LMTK2: variants seen among roughly 807,000 people sequenced by gnomAD.
LMTK2 encodes lemur tail kinase 2.
Under a neutral mutation model 127.5 loss-of-function variants are expected in LMTK2, and 37 were observed. The ratio of observed to expected loss-of-function variants is 0.29; its 90% CI spans 0.22 to 0.38. LMTK2 has a LOEUF of 0.38. LMTK2 is among the 10% of genes least tolerant of loss of function. The pLI, the probability that LMTK2 is intolerant of heterozygous loss-of-function variation, is 1.00. For missense variants in LMTK2, 1,694 were observed against 1,920.3 expected, an observed-to-expected ratio of 0.88 and a Z score of 2.20; for synonymous variants, 819 against 810.1, an observed-to-expected ratio of 1.01 and a Z score of -0.19.
chr7:98,204,197 C>G lies in LMTK2; in HGVS notation c.4483+11C>G. Reference sequence around the variant, plus strand: ...ACATCGAGCAGGGCGGTGAGAGGCGCTGCGTGCTGGGGATTGGGAGTGCAG... The same window carrying G: ...ACATCGAGCAGGGCGGTGAGAGGCGGTGCGTGCTGGGGATTGGGAGTGCAG... On this transcript the variant is annotated intron_variant, in intron 13 of 13. Transcript: ENST00000297293. The G allele has an allele frequency of 6.2e-7, 1 of 1,602,838 alleles. No individual in the cohort carries two copies. The highest frequency in any genetic ancestry group is 8.5e-7 in the Non-Finnish European group (1 of 1,179,662).
In LMTK2 at chr7:98,166,713, G is replaced by T. The variant is rs950799440; in HGVS notation, c.658-4828G>T. Among the ~76,000 whole-genome samples, 3 of 152,150 alleles carry T rather than the reference G, an allele frequency of 2.0e-5. No individual in the cohort carries two copies. In the South Asian group the frequency reaches 6.2e-4, roughly 31 times the overall value. ...TTCAGTGCAGTAACATGCTCTATAG[G>T]TTTGAAGCCTAGGCTGTAGCAAGAA... On this transcript the variant is annotated intron_variant, in intron 6 of 13. Coordinates refer to ENST00000297293, the MANE Select transcript of LMTK2 (RefSeq NM_014916.4).
At chr7:98,197,990 A>G (rs1400829309) in intron 11 of LMTK2, among the ~76,000 whole-genome samples, 1 of 152,142 alleles carries the variant, frequency 6.6e-6, no homozygotes, top group African/African-American at 2.4e-5. Context: ...TGAGTTGGGA[A>G]GTATTTCCTT....
intron 2 of LMTK2, among the ~76,000 whole-genome samples, chr7:98,139,355 T>G (rs1584257226): frequency 6.6e-6 from 1 of 152,168 alleles, no homozygotes; most frequent in Non-Finnish European, 1.5e-5. Context: ...GCTCAAGTGA[T>G]CCTCCCGCCT....
chr7:98,107,899 C>A (rs546522929), intron 1 of LMTK2, among the ~76,000 whole-genome samples: 1 of 152,116 alleles, frequency 6.6e-6, no homozygotes, highest in Non-Finnish European at 1.5e-5. Context: ...ATGGAAGTTT[C>A]TATTTTAGCT....
At position 98,107,295 on chromosome 7, in the gene LMTK2, G is replaced by T; in HGVS notation, c.103+15G>T. 1.7e-5 allele frequency: 23 copies of T among 1,337,778 alleles called. No individual in the cohort carries two copies. The highest frequency in any genetic ancestry group is 2.1e-5 in the Non-Finnish European group (22 of 1,046,820). The allele number at this position is 1,337,778 out of a possible 1,614,324, so 82.9% of individuals were successfully genotyped here. On this transcript the variant is annotated intron_variant, in intron 1 of 13. Transcript: ENST00000297293. ...AACAGGTGCAGGTGAGCGGGCCCGC[G>T]GCGGGGACGGGGCTGCGGGGTCTTC...
intron 3 of LMTK2, among the ~76,000 whole-genome samples, chr7:98,148,462 C>A (rs1406221525): frequency 6.8e-6 from 1 of 147,290 alleles, no homozygotes; most frequent in Non-Finnish European, 1.5e-5. Context: ...CACTGCACTC[C>A]AGCCTGGGTG....
chr7:98,190,180 A>G (rs539939500), intron 9 of LMTK2, among the ~76,000 whole-genome samples: 1 of 152,298 alleles, frequency 6.6e-6, no homozygotes, highest in African/African-American at 2.4e-5. Context: ...TCATTGGCCA[A>G]AACTTCTAGG....
chr7:98,166,697 G>A (rs1329169525), intron 6 of LMTK2, among the ~76,000 whole-genome samples: 1 of 152,190 alleles, frequency 6.6e-6, no homozygotes, highest in Admixed American at 6.5e-5. Flanking sequence ...TTTCAGTGCA[G>A]TAACATGCTC....
At chr7:98,130,637 C>T (rs1345049189) in intron 1 of LMTK2, among the ~76,000 whole-genome samples, 1 of 152,034 alleles carries the variant, frequency 6.6e-6, no homozygotes, top group African/African-American at 2.4e-5. Context: ...GACTGCTGTC[C>T]TTATATATAG....
intron 6 of LMTK2, among the ~76,000 whole-genome samples, chr7:98,164,432 T>C (rs983018230): frequency 3.9e-5 from 6 of 152,220 alleles, no homozygotes; most frequent in Non-Finnish European, 1.5e-5. Flanking sequence ...CACTGGTTTA[T>C]CACCTTGGAA....
intron 3 of LMTK2, among the ~76,000 whole-genome samples, chr7:98,149,218 G>A (rs1368555873): frequency 1.3e-5 from 2 of 152,172 alleles, no homozygotes; most frequent in Non-Finnish European, 1.5e-5. Context: ...TGTGCTCCCC[G>A]TGGACCCTGG....
chr7:98,164,493 A>C (rs527335770), intron 6 of LMTK2, among the ~76,000 whole-genome samples: 1 of 152,308 alleles, frequency 6.6e-6, no homozygotes, highest in South Asian at 2.1e-4. Flanking sequence ...TCCCCTTAGA[A>C]CTGCCCTGAC....
intron 1 of LMTK2, among the ~76,000 whole-genome samples, chr7:98,136,529 A>G (rs183092283): frequency 1.4e-3 from 219 of 152,330 alleles, no homozygotes; most frequent in African/African-American, 5.2e-3. Flanking sequence ...TCCTCCCTCC[A>G]GGAAGTACAG....
At position 98,154,937 on chromosome 7, in the gene LMTK2, T is replaced by C. The variant is rs569247368; in HGVS notation, c.569+61T>C. 2.1e-4 allele frequency: 198 copies of C among 945,468 alleles called. 1 individual carries two copies. The African/African-American group carries it at 2.8e-3, about 13-fold the overall frequency. 58.6% of individuals were successfully genotyped at this position (945,468 alleles called of 1,614,324 possible). A position where few individuals can be genotyped will look rare whatever the true frequency, so the allele number is the denominator to read the frequency against. On this transcript the variant is annotated intron_variant, in intron 5 of 13. Transcript: ENST00000297293. ...TCTGTGGTCTGTTGAAGGTCAGGTG[T>C]TTAAAACTACTGTGGGATTTCTGCC...
chr7:98,182,109 A>T (rs1797364730), intron 7 of LMTK2, among the ~76,000 whole-genome samples: 1 of 152,256 alleles, frequency 6.6e-6, no homozygotes, highest in Non-Finnish European at 1.5e-5. Context: ...CTCAAAATGG[A>T]TCAAAGACCT....
chr7:98,128,804 G>C (rs1420227092), intron 1 of LMTK2, among the ~76,000 whole-genome samples: 3 of 152,152 alleles, frequency 2.0e-5, no homozygotes, highest in African/African-American at 4.8e-5. Context: ...AGAACATGGT[G>C]CGTGTGGGTA....
chr7:98,204,665 C>T (rs1797762081), intron 13 of LMTK2, among the ~76,000 whole-genome samples: 1 of 152,184 alleles, frequency 6.6e-6, no homozygotes, highest in African/African-American at 2.4e-5. Flanking sequence ...CCTGAGTGTG[C>T]TCTCGGGGCC....
intron 7 of LMTK2, among the ~76,000 whole-genome samples, chr7:98,176,880 A>G (rs935144717): frequency 6.6e-6 from 1 of 152,208 alleles, no homozygotes; most frequent in African/African-American, 2.4e-5. Flanking sequence ...TGCTTCCCAC[A>G]TGCCAGCTAC....
At chr7:98,118,510 T>C (rs1796319186) in intron 1 of LMTK2, among the ~76,000 whole-genome samples, 1 of 152,234 alleles carries the variant, frequency 6.6e-6, no homozygotes, top group Non-Finnish European at 1.5e-5. Flanking sequence ...ATCTGTTTAC[T>C]GAGCTTTGCT....
Sources: gnomAD v4.1 joint callset for allele counts (sites outside exome capture counted in the v4.1 genomes callset) on GRCh38, gnomAD v4.1.1 for gene constraint, MANE v1.5 for transcripts, NCBI Gene and HGNC (gene_info 2026-07-23, HGNC 2026-07-21) for gene names.